Variants in ATP9B observed in about 807,000 individuals in gnomAD.
ATP9B encodes the protein probable phospholipid-transporting ATPase IIB.
A neutral mutation model predicts 146.1 loss-of-function variants in ATP9B; 110 were observed. The observed-to-expected ratio is 0.75, with a 90% CI of 0.65 to 0.88. The LOEUF (loss-of-function observed/expected upper bound fraction) is 0.88, where lower values mean the gene tolerates loss of function less well. Among genes scored for constraint, ATP9B ranks in the 40% least tolerant of loss-of-function variants. The pLI, the probability that ATP9B is intolerant of heterozygous loss-of-function variation, is 0.00. For synonymous variants in ATP9B, 604 were observed against 569.7 expected (o/e 1.06, Z -0.86); for missense variants, 1,499 against 1,496.4 (o/e 1.00, Z -0.03).
chr18:79,301,659 TTGA>T (rs1304249908), intron 13 of ATP9B, among the ~76,000 whole-genome samples: 2 of 152,194 alleles, frequency 1.3e-5, no homozygotes, highest in Non-Finnish European at 2.9e-5. Context: ...TCATGTAATT[TTGA>T]TGATTTTGTT....
chr18:79,073,891 G>A (rs2072285748), intron 1 of ATP9B, among the ~76,000 whole-genome samples: 1 of 152,228 alleles, frequency 6.6e-6, no homozygotes, highest in Non-Finnish European at 1.5e-5. Flanking sequence ...AGTTAGCTCA[G>A]TGTCGGTGTC....
chr18:79,152,958 G>A (rs955409126), intron 6 of ATP9B, among the ~76,000 whole-genome samples: 5 of 151,990 alleles, frequency 3.3e-5, no homozygotes, highest in Non-Finnish European at 7.4e-5. Context: ...GTTTTATTAG[G>A]TTGTACAGTT....
intron 6 of ATP9B, among the ~76,000 whole-genome samples, chr18:79,148,415 G>C (rs980597984): frequency 2.0e-5 from 3 of 152,176 alleles, no homozygotes; most frequent in Non-Finnish European, 4.4e-5. Flanking sequence ...ACCCAGTACA[G>C]GTTATTCCAG....
In ATP9B at chr18:79,354,962, T is replaced by C. The variant is rs185794356; in HGVS notation, c.2904-4392T>C. 2.9e-3 allele frequency among the ~76,000 whole-genome samples: 440 copies of C among 152,106 alleles called. 2 individuals are homozygous for C. Among genetic ancestry groups the C allele is most frequent in the African/African-American group, 9.6e-3 (398 of 41,482 alleles). On this transcript the variant is annotated intron_variant, in intron 25 of 29. Coordinates refer to ENST00000426216, the MANE Select transcript of ATP9B (RefSeq NM_198531.5). ...GGGAAGGGCTGTGCCCACCTCCCCC[T>C]CCCCAAAAAGGCAAGTGGAGAGCTG...
intron 4 of ATP9B, among the ~76,000 whole-genome samples, chr18:79,121,607 C>T (rs969326959): frequency 1.3e-5 from 2 of 152,178 alleles, no homozygotes; most frequent in African/African-American, 4.8e-5. Context: ...ACTTCCCTTT[C>T]CTTTAGTGTC....
At chr18:79,236,461 T>C (rs1414769515) in intron 11 of ATP9B, among the ~76,000 whole-genome samples, 1 of 152,064 alleles carries the variant, frequency 6.6e-6, no homozygotes, top group African/African-American at 2.4e-5. Flanking sequence ...AGTTGTAACA[T>C]TGTTTATCAA....
intron 5 of ATP9B, among the ~76,000 whole-genome samples, chr18:79,131,793 G>C (rs1004728549): frequency 6.6e-6 from 1 of 152,164 alleles, no homozygotes; most frequent in Non-Finnish European, 1.5e-5. Flanking sequence ...AATCATGAAG[G>C]GTTGCTACAT....
intron 9 of ATP9B, among the ~76,000 whole-genome samples, chr18:79,200,919 G>C (rs1410604402): frequency 6.6e-6 from 1 of 152,222 alleles, no homozygotes; most frequent in African/African-American, 2.4e-5. Flanking sequence ...TGTTGCCCTG[G>C]CTGCTTTAGG....
chr18:79,107,766 C>T (rs947404830), intron 2 of ATP9B, among the ~76,000 whole-genome samples: 5 of 152,164 alleles, frequency 3.3e-5, no homozygotes, highest in East Asian at 1.9e-4. Context: ...TGAGGAAAGG[C>T]GGTGCATGAA....
intron 2 of ATP9B, among the ~76,000 whole-genome samples, chr18:79,099,424 G>A (rs1343632639): frequency 6.6e-5 from 10 of 152,118 alleles, no homozygotes; most frequent in Non-Finnish European, 1.3e-4. Context: ...GTTTTGCCAA[G>A]TTGGCAAGCT....
At chr18:79,366,478 A>G (rs2097030145) in intron 26 of ATP9B, among the ~76,000 whole-genome samples, 1 of 152,270 alleles carries the variant, frequency 6.6e-6, no homozygotes, top group Non-Finnish European at 1.5e-5. Context: ...TGCTTCTTAC[A>G]GGAATCAATA....
At position 79,239,256 on chromosome 18, in the gene ATP9B, G is replaced by A. The variant is rs1029258160; in HGVS notation, c.1108-14125G>A. Among the ~76,000 whole-genome samples the A allele has an allele frequency of 3.9e-5, 6 of 152,216 alleles. No individual in the cohort carries two copies. Among genetic ancestry groups the A allele is most frequent in the Admixed American group, 6.5e-5 (1 of 15,282 alleles). On this transcript the variant is annotated intron_variant, in intron 11 of 29. Transcript: ENST00000426216. The surrounding 1 kb of genome is among the most constrained non-coding windows in gnomAD (Gnocchi z 5.1). ...GGTGGACTGTGGACTGTGGACCACCGCGTGTGCCCCTTCAGCCCTCTTATT... is the reference window on the plus strand; with the variant it reads ...GGTGGACTGTGGACTGTGGACCACCACGTGTGCCCCTTCAGCCCTCTTATT...
intron 7 of ATP9B, among the ~76,000 whole-genome samples, chr18:79,157,226 AC>A (rs2094799852): frequency 1.3e-5 from 2 of 150,768 alleles, no homozygotes; most frequent in African/African-American, 4.9e-5. Context: ...ACACACACAC[AC>A]ACACACACAC....
intron 26 of ATP9B, among the ~76,000 whole-genome samples, chr18:79,365,387 C>T (rs1186006769): frequency 2.0e-5 from 3 of 152,194 alleles, no homozygotes; most frequent in Non-Finnish European, 4.4e-5. Flanking sequence ...AGCAGAGACT[C>T]CCCTTCACTG....
chr18:79,199,762 GAAAA>G (rs61015454), intron 9 of ATP9B, among the ~76,000 whole-genome samples: 2 of 139,526 alleles, frequency 1.4e-5, no homozygotes. Flanking sequence ...GACTACATCT[GAAAA>G]AAAAAAAAAA....
chr18:79,213,875 C>T, intron 10 of ATP9B, 87 bp from the exon 11 acceptor site: 1 of 985,190 alleles, frequency 1.0e-6, no homozygotes, highest in Non-Finnish European at 1.5e-6. Context: ...TGTGATAATA[C>T]TTTCCATCAA....
At chr18:79,366,904 C>T (rs185355032) in intron 26 of ATP9B, among the ~76,000 whole-genome samples, 117 of 152,354 alleles carry the variant, frequency 7.7e-4, no homozygotes, top group African/African-American at 2.7e-3. Flanking sequence ...GCAGGTCTGA[C>T]GGCGTCAGAG....
At chr18:79,164,559 C>G (rs2094935463) in intron 7 of ATP9B, among the ~76,000 whole-genome samples, 1 of 148,312 alleles carries the variant, frequency 6.7e-6, no homozygotes, top group East Asian at 2.0e-4. Flanking sequence ...ACTAAAAATA[C>G]AAAAAAAAAA....
At position 79,154,529 on chromosome 18, in the gene ATP9B, T is replaced by C; in HGVS notation, c.752T>C (p.Val251Ala). 1 of 1,542,016 alleles carries C rather than the reference T, an allele frequency of 6.5e-7. No homozygotes were observed. The highest frequency in any genetic ancestry group is 2.3e-5 in the Admixed American group (1 of 44,160). Residue 251 changes from valine (V) to alanine (A), a missense_variant, in exon 7 of 30, where the codon GTG becomes GCG. By Grantham distance (64) the Val-to-Ala change is moderately conservative. Coordinates refer to ENST00000426216, the MANE Select transcript of ATP9B (RefSeq NM_198531.5). The stretch of plus-strand genomic sequence containing the variant: ...AATCAAAGAATTCCATCGGACATGG[T>C]GTTTCTTAGGACTTCAGAAAAAGCA... ...EKNQRIPSDM[V>A]FLRTSEKAGS...
Sources: allele counts gnomAD v4.1 joint callset (sites outside exome capture counted in the v4.1 genomes callset), GRCh38; gene constraint gnomAD v4.1.1; non-coding constraint Gnocchi (gnomAD v3.1); transcripts MANE v1.5; gene names NCBI Gene and HGNC (gene_info 2026-07-23, HGNC 2026-07-21).